MACROD2: variants seen among roughly 807,000 people sequenced by gnomAD.
MACROD2 encodes the protein mono-ADP ribosylhydrolase 2.
Under a neutral mutation model 70.4 loss-of-function variants are expected in MACROD2, and 36 were observed. That is an observed-to-expected ratio of 0.51 (90% CI 0.39 to 0.68). The LOEUF (loss-of-function observed/expected upper bound fraction) is 0.68. MACROD2 is among the 30% of genes least tolerant of loss of function. The probability of loss-of-function intolerance (pLI) is 0.00; values close to 1 mark genes in which losing one functional copy is unlikely to be tolerated. For synonymous variants in MACROD2, 172 were observed against 178.8 expected, an observed-to-expected ratio of 0.96 and a Z score of 0.30; for missense variants, 496 against 538.4, an observed-to-expected ratio of 0.92 and a Z score of 0.78.
intron 8 of MACROD2, among the ~76,000 whole-genome samples, chr20:15,726,397 T>C (rs1156995566): frequency 6.6e-6 from 1 of 152,166 alleles, no homozygotes; most frequent in African/African-American, 2.4e-5. Context: ...TGAACACACA[T>C]GTACATGTGT....
chr20:15,690,002 C>T (rs938424559), intron 8 of MACROD2, among the ~76,000 whole-genome samples: 1 of 152,180 alleles, frequency 6.6e-6, no homozygotes, highest in African/African-American at 2.4e-5. Flanking sequence ...CGAGCTTAGC[C>T]TGCAAGTCAT....
chr20:14,304,099 T>C (rs897373941), intron 3 of MACROD2, among the ~76,000 whole-genome samples: 4 of 152,206 alleles, frequency 2.6e-5, no homozygotes, highest in Non-Finnish European at 1.5e-5. Flanking sequence ...TTCCATTCTC[T>C]TACTACTTAC....
At chr20:15,237,513 A>C (rs987256365) in intron 6 of MACROD2, among the ~76,000 whole-genome samples, 1 of 151,810 alleles carries the variant, frequency 6.6e-6, no homozygotes, top group Non-Finnish European at 1.5e-5. Flanking sequence ...CACTCTATTG[A>C]TTTTTTTTAA....
At chr20:14,816,158 G>A (rs1055338728) in intron 5 of MACROD2, among the ~76,000 whole-genome samples, 14 of 152,082 alleles carry the variant, frequency 9.2e-5, no homozygotes, top group Admixed American at 3.3e-4. Flanking sequence ...ATGAAGGTAC[G>A]GAAAGATAAG....
chr20:14,847,548 T>C (rs2073156927), intron 5 of MACROD2, among the ~76,000 whole-genome samples: 1 of 150,372 alleles, frequency 6.7e-6, no homozygotes, highest in Non-Finnish European at 1.5e-5. Context: ...AGAAGCATAA[T>C]GTTGAATTTT....
At chr20:14,871,800 G>A (rs1031807229) in intron 5 of MACROD2, among the ~76,000 whole-genome samples, 11 of 151,908 alleles carry the variant, frequency 7.2e-5, no homozygotes, top group Admixed American at 1.3e-4. Context: ...TGACACAAAC[G>A]GGTTCAAAAT....
chr20:15,440,503 G>A (rs1013623663), intron 7 of MACROD2, among the ~76,000 whole-genome samples: 1 of 152,158 alleles, frequency 6.6e-6, no homozygotes, highest in Admixed American at 6.5e-5. Flanking sequence ...CTGGTAAAAA[G>A]GAGACCAGCG....
intron 8 of MACROD2, among the ~76,000 whole-genome samples, chr20:15,612,499 G>A (rs1418785454): frequency 6.6e-6 from 1 of 152,160 alleles, no homozygotes; most frequent in Admixed American, 6.5e-5. Flanking sequence ...AATTTCTTTT[G>A]CAATGAAGCT....
At chr20:15,150,613 T>C (rs1246742608) in intron 5 of MACROD2, among the ~76,000 whole-genome samples, 2 of 151,792 alleles carry the variant, frequency 1.3e-5, no homozygotes, top group East Asian at 3.9e-4. Flanking sequence ...TTTAATGGGA[T>C]GGTAAGGGAT....
intron 5 of MACROD2, among the ~76,000 whole-genome samples, chr20:15,144,513 T>G (rs1015871931): frequency 2.6e-5 from 4 of 152,212 alleles, no homozygotes; most frequent in African/African-American, 9.6e-5. Context: ...CAAAACACAA[T>G]GACCTTTTTG....
chr20:14,078,813 T>C (rs1364236455), intron 2 of MACROD2, among the ~76,000 whole-genome samples: 1 of 152,206 alleles, frequency 6.6e-6, no homozygotes, highest in East Asian at 1.9e-4. Flanking sequence ...GTTTGTTTGA[T>C]ATATTAAATT....
chr20:14,328,981 T>G (rs756564472), intron 3 of MACROD2: 4 of 152,074 alleles, frequency 2.6e-5, no homozygotes, highest in Non-Finnish European at 5.9e-5. Context: ...TGGTCAGAGA[T>G]AGTAACTTCA....
chr20:14,329,376 T>TA (rs2082793174), intron 3 of MACROD2: 1 of 152,114 alleles, frequency 6.6e-6, no homozygotes, highest in South Asian at 2.1e-4. Context: ...AACTTTAACA[T>TA]ACTAGAGAAA....
chr20:14,786,204 T>TAGGGAGAG (rs2072370065), intron 5 of MACROD2, among the ~76,000 whole-genome samples: 2 of 135,430 alleles, frequency 1.5e-5, no homozygotes, highest in Non-Finnish European at 3.1e-5. Flanking sequence ...CAGAGAAAGA[T>TAGGGAGAG]AGAGAGAGAG....
At chr20:15,573,696 G>A (rs2048406211) in intron 8 of MACROD2, among the ~76,000 whole-genome samples, 1 of 152,030 alleles carries the variant, frequency 6.6e-6, no homozygotes, top group Non-Finnish European at 1.5e-5. Flanking sequence ...GCCTCATCAA[G>A]CAACCCCCTT....
At chr20:14,837,065 A>C (rs2073037544) in intron 5 of MACROD2, among the ~76,000 whole-genome samples, 1 of 104,366 alleles carries the variant, frequency 9.6e-6, no homozygotes, top group Admixed American at 9.2e-5. Context: ...ATTTTAAATA[A>C]TGAGTGTTTT....
At chr20:14,167,648 C>A (rs547032769) in intron 3 of MACROD2, among the ~76,000 whole-genome samples, 21 of 152,056 alleles carry the variant, frequency 1.4e-4, no homozygotes, top group Non-Finnish European at 3.1e-4. Context: ...CCTCGGCCTC[C>A]AAAGTGCTGG....
intron 5 of MACROD2, among the ~76,000 whole-genome samples, chr20:15,113,641 GCCT>G (rs1387074888): frequency 6.6e-6 from 1 of 152,104 alleles, no homozygotes; most frequent in Non-Finnish European, 1.5e-5. Context: ...GACTCAGAAA[GCCT>G]CCAACACAAA....
At chr20:14,342,335 T>C (rs977708369) in intron 3 of MACROD2, among the ~76,000 whole-genome samples, 1 of 152,222 alleles carries the variant, frequency 6.6e-6, no homozygotes, top group South Asian at 2.1e-4. Context: ...TTGAAACTGC[T>C]CTTTTTCTCT....
Sources: allele counts gnomAD v4.1 joint callset (sites outside exome capture counted in the v4.1 genomes callset), GRCh38; gene constraint gnomAD v4.1.1; transcripts MANE v1.5; gene names NCBI Gene and HGNC (gene_info 2026-07-23, HGNC 2026-07-21).